The following LRPAP1 variants were observed in gnomAD, a reference collection of about 807,000 sequenced individuals.
LRPAP1 encodes alpha-2-macroglobulin receptor-associated protein.
In LRPAP1, 41 loss-of-function variants were observed where a neutral mutation model predicts 39.9. The ratio of observed to expected loss-of-function variants is 1.03; its 90% CI spans 0.80 to 1.33. The LOEUF (loss-of-function observed/expected upper bound fraction) is 1.33. LRPAP1 is among the 40% of genes most tolerant of loss of function. The probability of loss-of-function intolerance (pLI) is 0.00; values close to 1 mark genes in which losing one functional copy is unlikely to be tolerated. For missense variants in LRPAP1, 565 were observed against 482.3 expected (o/e 1.17, Z -1.61); for synonymous variants, 263 against 212.7 (o/e 1.24, Z -2.06).
intron 5 of LRPAP1, among the ~76,000 whole-genome samples, chr4:3,516,747 G>A (rs1242008975): frequency 6.6e-6 from 1 of 152,348 alleles, no homozygotes; most frequent in African/African-American, 2.4e-5. Flanking sequence ...CGCAGTGAGA[G>A]ACTCCGGGGC....
chr4:3,524,014 G>A (rs1730003008), intron 2 of LRPAP1, among the ~76,000 whole-genome samples: 1 of 152,156 alleles, frequency 6.6e-6, no homozygotes, highest in African/African-American at 2.4e-5. Context: ...CAGGCCCAGG[G>A]GCAGCAGTTG....
chr4:3,519,577 G>T (rs1012824838), intron 3 of LRPAP1, among the ~76,000 whole-genome samples: 12 of 152,224 alleles, frequency 7.9e-5, no homozygotes, highest in Admixed American at 6.5e-4. Flanking sequence ...AGGAGCCGCT[G>T]GAAATGGGGG....
intron 2 of LRPAP1, among the ~76,000 whole-genome samples, chr4:3,522,056 C>T (rs1050002326): frequency 1.3e-5 from 2 of 152,214 alleles, no homozygotes; most frequent in African/African-American, 4.8e-5. Flanking sequence ...AATACACAAA[C>T]TTTTTAAAAA....
chr4:3,524,028 G>T (rs1360611296), intron 2 of LRPAP1, among the ~76,000 whole-genome samples: 5 of 152,126 alleles, frequency 3.3e-5, no homozygotes, highest in African/African-American at 1.2e-4. Context: ...GCAGTTGGGT[G>T]GAGGCACAGC....
Position 3,505,352 on chromosome 4 carries a change from C to T in LRPAP1, c.*7622G>A, listed in dbSNP as rs1036150079. ...CAGCTCCAAATCCAGCATCCCTCCCCGGTGCCTAGCCCTCGCCAGGCTGCT... is the reference window on the plus strand; with the variant it reads ...CAGCTCCAAATCCAGCATCCCTCCCTGGTGCCTAGCCCTCGCCAGGCTGCT... On this transcript the variant is annotated 3_prime_UTR_variant, in exon 8 of 8. Transcript: ENST00000650182. 1.2e-4 allele frequency among the ~76,000 whole-genome samples: 19 copies of T among 152,256 alleles called. No homozygotes were observed. The highest frequency in any genetic ancestry group is 2.1e-4 in the Non-Finnish European group (14 of 68,034).
At chr4:3,532,182 G>T in intron 1 of LRPAP1, 27 bp downstream of exon 1, 1 of 1,178,348 alleles carries the variant, frequency 8.5e-7, no homozygotes, top group Non-Finnish European at 1.2e-6. Flanking sequence ...CCCAGGCCCC[G>T]CTCCACCGAC....
chr4:3,505,702 A>T lies in LRPAP1; in HGVS notation c.*7272T>A, dbSNP rs1729334120. Among the ~76,000 whole-genome samples, 1 of 151,596 alleles carries T rather than the reference A, an allele frequency of 6.6e-6. No individual in the cohort carries two copies. The highest frequency in any genetic ancestry group is 1.5e-5 in the Non-Finnish European group (1 of 67,890). ...GACCGTCTATACCAGCTACCCCAAGACCGTCTATACCAGCTACGCCAAGAC... is the reference window on the plus strand; with the variant it reads ...GACCGTCTATACCAGCTACCCCAAGTCCGTCTATACCAGCTACGCCAAGAC... On this transcript the variant is annotated 3_prime_UTR_variant, in exon 8 of 8. Coordinates refer to ENST00000650182, the MANE Select transcript of LRPAP1 (RefSeq NM_002337.4).
rs1729348246 is a variant in LRPAP1, at chr4:3,506,130, T to C, written c.*6844A>G. On this transcript the variant is annotated 3_prime_UTR_variant, in exon 8 of 8. Coordinates refer to ENST00000650182, the MANE Select transcript of LRPAP1 (RefSeq NM_002337.4). ...CATGCTGGAGAGCAATGGCACGATT[T>C]TGGCTCACTGCAAACTCTGTCTCCC... Among the ~76,000 whole-genome samples the C allele has an allele frequency of 6.6e-6, 1 of 152,210 alleles. No homozygotes were observed. Among genetic ancestry groups the C allele is most frequent in the South Asian group, 2.1e-4 (1 of 4,832 alleles).
intron 7 of LRPAP1, among the ~76,000 whole-genome samples, chr4:3,513,545 A>G (rs1269543629): frequency 6.6e-6 from 1 of 152,000 alleles, no homozygotes; most frequent in Non-Finnish European, 1.5e-5. Context: ...CTGAGCTCAG[A>G]TGATCCACCC....
At position 3,532,369 on chromosome 4, in the gene LRPAP1, G is replaced by T. The variant is rs764573629; in HGVS notation, c.44C>A (p.Ala15Glu). 4 of 1,593,114 alleles carry T rather than the reference G, an allele frequency of 2.5e-6. No homozygotes were observed. In the Admixed American group the frequency reaches 5.2e-5, roughly 21 times the overall value. The part of the protein sequence containing the change: ...RVRSFLRGLP[A>E]LLLLLLFLGP... ...GAGGAAGAGCAGCAGCAGTAGCAGC[G>T]CCGGGAGCCCGCGCAGAAACGACCT... is the stretch of plus-strand genomic sequence containing the variant. The change falls in exon 1 of 8, where the codon GCG (alanine) becomes GAG (glutamate). Residue 15 changes from alanine to glutamate, a missense_variant. Physicochemically the swap from Ala to Glu is moderately radical, Grantham distance 107 (BLOSUM62 -1). Transcript: ENST00000650182.
rs1729322751 is a variant in LRPAP1 at position 3,505,411 on chromosome 4, T to A, written c.*7563A>T. Among the ~76,000 whole-genome samples the A allele has an allele frequency of 6.6e-6, 1 of 152,180 alleles. No individual in the cohort carries two copies. Among genetic ancestry groups the A allele is most frequent in the African/African-American group, 2.4e-5 (1 of 41,442 alleles). On this transcript the variant is annotated 3_prime_UTR_variant, in exon 8 of 8. Transcript: ENST00000650182. Reference sequence around the variant, plus strand: ...CGCTGGGAAGGAGTGGTTTGACCCCTCACCACTGAGAGGAGTAAGGTGTAC... The same window carrying A: ...CGCTGGGAAGGAGTGGTTTGACCCCACACCACTGAGAGGAGTAAGGTGTAC...
At chr4:3,519,475 C>T (rs1365651069) in intron 3 of LRPAP1, among the ~76,000 whole-genome samples, 1 of 152,260 alleles carries the variant, frequency 6.6e-6, no homozygotes, top group Non-Finnish European at 1.5e-5. Context: ...TCCATCTCTC[C>T]TGGCCAAGGA....
At chr4:3,524,183 G>A (rs1346972720) in intron 2 of LRPAP1, among the ~76,000 whole-genome samples, 2 of 152,200 alleles carry the variant, frequency 1.3e-5, no homozygotes, top group African/African-American at 2.4e-5. Context: ...GGTGAGGGAG[G>A]ATGGCGGAGG....
At position 3,522,659 on chromosome 4, in the gene LRPAP1, CGG is replaced by C. The variant is rs1216288234; in HGVS notation, c.349+2246_349+2247del. Among the ~76,000 whole-genome samples the C allele has an allele frequency of 6.1e-4, 63 of 103,916 alleles. 10 individuals carry two copies. Among genetic ancestry groups the C allele is most frequent in the African/African-American group, 2.0e-3 (60 of 29,470 alleles). 68.2% of individuals were successfully genotyped at this position (103,916 alleles called of 152,430 possible). ...CCCCACACCCCCTGCCTGGGGAGGA[CGG>C]ACGCCGCCCCACACCCCCTGCCTGG... On this transcript the variant is annotated intron_variant, in intron 2 of 7. Coordinates refer to ENST00000650182, the MANE Select transcript of LRPAP1 (RefSeq NM_002337.4).
At chr4:3,524,449 T>A (rs1214827764) in intron 2 of LRPAP1, among the ~76,000 whole-genome samples, 2 of 152,234 alleles carry the variant, frequency 1.3e-5, no homozygotes, top group African/African-American at 4.8e-5. Flanking sequence ...CCTGCTGTCC[T>A]CCGGCCCCTT....
chr4:3,532,289 G>T lies in LRPAP1; in HGVS notation c.124C>A (p.Pro42Thr). 1 of 1,564,792 alleles carries T rather than the reference G, an allele frequency of 6.4e-7. No individual in the cohort carries two copies. The highest frequency in any genetic ancestry group is 1.2e-5 in the South Asian group (1 of 85,392). ...GACTCGCGTTTCGGGGACGGCTTGG[G>T]CTGGTTCTTCTCCCGCGAGTACTTG... ...GGKYSREKNQ[P>T]KPSPKRESGE... Residue 42 changes from proline to threonine, a missense_variant, in exon 1 of 8, where the codon CCC becomes ACC. Coordinates refer to ENST00000650182, the MANE Select transcript of LRPAP1 (RefSeq NM_002337.4).
chr4:3,525,092 C>T lies in LRPAP1; in HGVS notation c.205-41G>A, dbSNP rs374364676. On this transcript the variant is annotated intron_variant, in intron 1 of 7. Transcript: ENST00000650182. ...AGGAGCCTGTGAGCCACGAGCAGGA[C>T]GGACCAGGACACAGCGAGAAACTGA... The T allele has an allele frequency of 1.1e-4, 174 of 1,610,378 alleles. 1 individual carries two copies. Among genetic ancestry groups the T allele is most frequent in the Admixed American group, 5.2e-4 (31 of 59,964 alleles).
At chr4:3,515,936 A>G in intron 6 of LRPAP1, 180 bp downstream of exon 6, 1 of 633,960 alleles carries the variant, frequency 1.6e-6, no homozygotes, top group Non-Finnish European at 2.8e-6. Flanking sequence ...CCCCTGAAAC[A>G]CGAGTTCCCA....
chr4:3,505,981 A>C lies in LRPAP1; in HGVS notation c.*6993T>G, dbSNP rs1729343090. Among the ~76,000 whole-genome samples the C allele has an allele frequency of 6.6e-6, 1 of 151,978 alleles. No homozygotes were observed. Among genetic ancestry groups the C allele is most frequent in the Non-Finnish European group, 1.5e-5 (1 of 67,996 alleles). ...GTACTTCCAGCCCCGGAGGAGCTGA[A>C]CCTAGAGATACCTGGAAACCCAGCT... On this transcript the variant is annotated 3_prime_UTR_variant, in exon 8 of 8. Transcript: ENST00000650182.
Sources: gnomAD v4.1 joint callset for allele counts (sites outside exome capture counted in the v4.1 genomes callset) on GRCh38, gnomAD v4.1.1 for gene constraint, MANE v1.5 for transcripts, NCBI Gene and HGNC (gene_info 2026-07-23, HGNC 2026-07-21) for gene names.